CNTN5: variants seen among roughly 807,000 people sequenced by gnomAD.
CNTN5 encodes contactin 5, also known as contactin-5.
A neutral mutation model predicts 129.1 loss-of-function variants in CNTN5; 77 were observed. The observed-to-expected ratio is 0.60, with a 90% CI of 0.50 to 0.72. The LOEUF is 0.72. Ranked by LOEUF, CNTN5 falls within the 30% of genes least tolerant of loss-of-function variation. The pLI is 0.00. For missense variants in CNTN5, 1,478 were observed against 1,328.8 expected (o/e 1.11, Z -1.75); for synonymous variants, 509 against 465.6 (o/e 1.09, Z -1.20).
At chr11:99,317,176 G>A (rs1865378751) in intron 1 of CNTN5, among the ~76,000 whole-genome samples, 1 of 151,742 alleles carries the variant, frequency 6.6e-6, no homozygotes, top group African/African-American at 2.4e-5. Context: ...GAAGACACAT[G>A]TGGTAAATGC....
chr11:99,786,152 CAA>C (rs1188531137), intron 3 of CNTN5, among the ~76,000 whole-genome samples: 1 of 152,128 alleles, frequency 6.6e-6, no homozygotes, highest in East Asian at 1.9e-4. Context: ...GCAACTTCAG[CAA>C]AGTCTCACGA....
At chr11:100,084,968 G>T (rs1304593407) in intron 13 of CNTN5, among the ~76,000 whole-genome samples, 1 of 152,066 alleles carries the variant, frequency 6.6e-6, no homozygotes, top group African/African-American at 2.4e-5. Flanking sequence ...TTGATTGTGT[G>T]CACAGGGGCA....
chr11:100,069,648 C>T (rs531620047), intron 10 of CNTN5, among the ~76,000 whole-genome samples: 1 of 152,208 alleles, frequency 6.6e-6, no homozygotes, highest in African/African-American at 2.4e-5. Flanking sequence ...TCAAAGCCCT[C>T]AGTAGCACAT....
chr11:99,399,359 G>C (rs1318254497), intron 2 of CNTN5, among the ~76,000 whole-genome samples: 2 of 151,578 alleles, frequency 1.3e-5, no homozygotes, highest in East Asian at 3.9e-4. Flanking sequence ...CGATAAAAGG[G>C]ATTTTTGGTT....
At chr11:99,731,970 TA>T (rs1943550509) in intron 3 of CNTN5, among the ~76,000 whole-genome samples, 1 of 152,204 alleles carries the variant, frequency 6.6e-6, no homozygotes, top group South Asian at 2.1e-4. Context: ...TATTTAGATA[TA>T]ATGTATATAA....
chr11:99,393,057 T>C (rs1288084225), intron 2 of CNTN5, among the ~76,000 whole-genome samples: 1 of 151,732 alleles, frequency 6.6e-6, no homozygotes, highest in Admixed American at 6.6e-5. Context: ...TTAAAAACAT[T>C]TTGCTATAGA....
At chr11:99,556,331 A>G in intron 3 of CNTN5, 62 bp downstream of exon 3, 8 of 1,003,080 alleles carry the variant, frequency 8.0e-6, no homozygotes, top group Non-Finnish European at 1.0e-5. Context: ...AAAATATATC[A>G]AGGTCTCCAT....
chr11:100,341,037 A>G (rs1406605628), intron 22 of CNTN5, 56 bp from the exon 23 acceptor site: 1 of 1,247,098 alleles, frequency 8.0e-7, no homozygotes, highest in East Asian at 2.3e-5. Flanking sequence ...AAAGAATTAA[A>G]TGAAGAAATG....
At chr11:99,455,000 G>T (rs755371303) in intron 2 of CNTN5, among the ~76,000 whole-genome samples, 3 of 152,130 alleles carry the variant, frequency 2.0e-5, no homozygotes, top group Non-Finnish European at 4.4e-5. Context: ...AAAATGCACT[G>T]CATATAGAAT....
At chr11:100,325,648 T>C (rs1460649418) in intron 21 of CNTN5, among the ~76,000 whole-genome samples, 4 of 152,212 alleles carry the variant, frequency 2.6e-5, no homozygotes, top group African/African-American at 9.6e-5. Flanking sequence ...CCAAACCTGG[T>C]TAGATTTCTT....
chr11:99,698,802 A>C (rs759632537), intron 3 of CNTN5, among the ~76,000 whole-genome samples: 1 of 151,050 alleles, frequency 6.6e-6, no homozygotes, highest in Non-Finnish European at 1.5e-5. Flanking sequence ...GTAATACTAT[A>C]ATCACAATCA....
At chr11:99,143,345 G>A (rs1311695270) in intron 1 of CNTN5, among the ~76,000 whole-genome samples, 4 of 147,330 alleles carry the variant, frequency 2.7e-5, no homozygotes, top group African/African-American at 9.9e-5. Flanking sequence ...ATGTATGTGT[G>A]TATATATGTA....
intron 1 of CNTN5, among the ~76,000 whole-genome samples, chr11:99,224,718 C>T (rs1218256344): frequency 7.3e-6 from 1 of 136,996 alleles, no homozygotes; most frequent in Admixed American, 8.2e-5. Context: ...AGTTCAGTGC[C>T]GTGATCTCGG....
At chr11:99,247,549 G>T in intron 1 of CNTN5, among the ~76,000 whole-genome samples, 1 of 151,892 alleles carries the variant, frequency 6.6e-6, no homozygotes, top group Admixed American at 6.6e-5. Flanking sequence ...CCATGTTGTT[G>T]TGTTGCACCC....
chr11:99,439,359 TA>T (rs1010439314), intron 2 of CNTN5, among the ~76,000 whole-genome samples: 6 of 151,552 alleles, frequency 4.0e-5, no homozygotes, highest in African/African-American at 9.7e-5. Context: ...ACTGTGAATC[TA>T]AAAAAATAAC....
intron 3 of CNTN5, among the ~76,000 whole-genome samples, chr11:99,597,009 A>G (rs185923893): frequency 1.3e-5 from 2 of 152,112 alleles, no homozygotes; most frequent in African/African-American, 4.8e-5. Context: ...AGTTTTTGAG[A>G]TAAGTTTTCT....
chr11:99,105,766 G>A (rs993030165), intron 1 of CNTN5, among the ~76,000 whole-genome samples: 1 of 152,196 alleles, frequency 6.6e-6, no homozygotes, highest in Middle Eastern at 3.4e-3. Context: ...AAGCTGCTTT[G>A]AACAAAATTA....
intron 1 of CNTN5, among the ~76,000 whole-genome samples, chr11:99,202,635 TA>T (rs1257481830): frequency 6.6e-6 from 1 of 152,112 alleles, no homozygotes; most frequent in African/African-American, 2.4e-5. Context: ...AATATTTCAC[TA>T]CTTTAGTTTT....
intron 1 of CNTN5, among the ~76,000 whole-genome samples, chr11:99,140,969 T>C (rs1420743183): frequency 6.6e-6 from 1 of 152,054 alleles, no homozygotes; most frequent in Non-Finnish European, 1.5e-5. Flanking sequence ...TTTTCTGTTG[T>C]GTCTCTGACA....
Sources: allele counts gnomAD v4.1 joint callset (sites outside exome capture counted in the v4.1 genomes callset), GRCh38; gene constraint gnomAD v4.1.1; transcripts MANE v1.5; gene names NCBI Gene and HGNC (gene_info 2026-07-23, HGNC 2026-07-21).